The following CPED1 variants were observed in gnomAD, a reference collection of about 807,000 sequenced individuals.
The protein encoded by CPED1 is cadherin like and PC-esterase domain containing 1, also known as cadherin-like and PC-esterase domain-containing protein 1.
In CPED1, 114 loss-of-function variants were observed where a neutral mutation model predicts 128.2. The ratio of observed to expected loss-of-function variants is 0.89; its 90% CI spans 0.76 to 1.04. The LOEUF (loss-of-function observed/expected upper bound fraction) is 1.04, where lower values mean the gene tolerates loss of function less well. Ranked by LOEUF, CPED1 falls within the 50% of genes least tolerant of loss-of-function variation. CPED1 has a pLI of 0.00. For synonymous variants in CPED1, 462 were observed against 426.7 expected (o/e 1.08, Z -1.02); for missense variants, 1,211 against 1,207.1 (o/e 1.00, Z -0.05).
At chr7:121,126,975 A>T (rs1795518869) in intron 9 of CPED1, 115 bp from the exon 10 acceptor site, 2 of 685,448 alleles carry the variant, frequency 2.9e-6, no homozygotes, top group Non-Finnish European at 4.5e-6. Flanking sequence ...AAAGACCACT[A>T]GATGTCAGTT....
chr7:121,063,581 TC>T (rs1413304147), intron 4 of CPED1, among the ~76,000 whole-genome samples: 1 of 152,058 alleles, frequency 6.6e-6, no homozygotes, highest in Non-Finnish European at 1.5e-5. Flanking sequence ...CAAAAATGAA[TC>T]TGATTTTCAA....
At chr7:121,266,655 G>A (rs1780403348) in intron 19 of CPED1, 52 bp from the exon 20 acceptor site, 2 of 1,413,880 alleles carry the variant, frequency 1.4e-6, no homozygotes, top group Non-Finnish European at 2.0e-6. Context: ...CAGTTACAAT[G>A]TTTACCTTCT....
At position 121,266,828 on chromosome 7, in the gene CPED1, A is replaced by G. The variant is rs758691920; in HGVS notation, c.2633+20A>G. The stretch of plus-strand genomic sequence containing the variant: ...GAAGAGGTAAATGTCTGCAACAATA[A>G]TTGTCATTAGTATTCTAAGTCAAAA... On this transcript the variant is annotated intron_variant, in intron 20 of 22. Coordinates refer to ENST00000310396, the MANE Select transcript of CPED1 (RefSeq NM_024913.5). The G allele has an allele frequency of 2.6e-6, 4 of 1,549,798 alleles. No individual in the cohort carries two copies. In the South Asian group the frequency reaches 3.3e-5, roughly 13 times the overall value.
intron 16 of CPED1, among the ~76,000 whole-genome samples, chr7:121,196,048 A>G (rs1042986953): frequency 6.6e-6 from 1 of 152,064 alleles, no homozygotes; most frequent in African/African-American, 2.4e-5. Context: ...GAGGAGGCCA[A>G]AGAAAACCTT....
intron 5 of CPED1, among the ~76,000 whole-genome samples, chr7:121,090,387 C>T (rs1215668152): frequency 6.6e-6 from 1 of 152,132 alleles, no homozygotes; most frequent in Non-Finnish European, 1.5e-5. Flanking sequence ...TCTAGAAATA[C>T]CATACTATTC....
At chr7:121,242,894 G>A (rs1798431510) in intron 17 of CPED1, among the ~76,000 whole-genome samples, 1 of 151,850 alleles carries the variant, frequency 6.6e-6, no homozygotes, top group South Asian at 2.1e-4. Context: ...ATCAGTAAGA[G>A]CCATAAACTA....
At chr7:121,125,937 G>A (rs1795493149) in intron 9 of CPED1, 45 bp downstream of exon 9, 2 of 1,309,322 alleles carry the variant, frequency 1.5e-6, no homozygotes, top group African/African-American at 2.9e-5. Flanking sequence ...CTTGTGGTGA[G>A]AGATCAGTGT....
chr7:121,252,405 C>CGTGGG, intron 18 of CPED1, among the ~76,000 whole-genome samples: 1 of 150,678 alleles, frequency 6.6e-6, no homozygotes, highest in South Asian at 2.1e-4. Flanking sequence ...ACATAGACAT[C>CGTGGG]GGCAAGGACT....
At chr7:121,143,982 A>G (rs943266570) in intron 16 of CPED1, among the ~76,000 whole-genome samples, 12 of 152,162 alleles carry the variant, frequency 7.9e-5, no homozygotes, top group Admixed American at 7.2e-4. Context: ...GATACACACA[A>G]ATATGAAACA....
intron 16 of CPED1, among the ~76,000 whole-genome samples, chr7:121,166,183 A>G (rs10264879): frequency 0.1 from 15,853 of 152,222 alleles, 1,388 homozygotes; most frequent in African/African-American, 0.24. Flanking sequence ...ATGTTATTCA[A>G]TAAGATACAT....
At chr7:121,006,134 T>G (rs1409458872) in intron 2 of CPED1, among the ~76,000 whole-genome samples, 1 of 152,206 alleles carries the variant, frequency 6.6e-6, no homozygotes, top group South Asian at 2.1e-4. Context: ...TCTGCTATAT[T>G]GCCTCTGTAT....
intron 2 of CPED1, among the ~76,000 whole-genome samples, chr7:120,997,554 T>C (rs2116747777): frequency 6.6e-6 from 1 of 152,324 alleles, no homozygotes; most frequent in South Asian, 2.1e-4. Context: ...AATAGGGTTA[T>C]CGCAGATATA....
intron 18 of CPED1, among the ~76,000 whole-genome samples, chr7:121,246,233 C>T (rs369989240): frequency 8.5e-5 from 13 of 152,316 alleles, no homozygotes; most frequent in African/African-American, 2.4e-4. Context: ...GTTTTGGACA[C>T]GACACGTCTT....
chr7:121,100,918 C>A (rs1794834910), intron 7 of CPED1, among the ~76,000 whole-genome samples: 1 of 152,062 alleles, frequency 6.6e-6, no homozygotes, highest in Non-Finnish European at 1.5e-5. Context: ...GAATTTATTT[C>A]TGCCATCTTA....
intron 16 of CPED1, among the ~76,000 whole-genome samples, chr7:121,150,814 G>C (rs1796141156): frequency 6.6e-6 from 1 of 151,938 alleles, no homozygotes; most frequent in African/African-American, 2.4e-5. Context: ...TGTCACCCAG[G>C]CTGGAGTGCA....
chr7:121,239,332 ATGAT>A (rs1171822870), intron 17 of CPED1, among the ~76,000 whole-genome samples: 1 of 152,128 alleles, frequency 6.6e-6, no homozygotes, highest in African/African-American at 2.4e-5. Flanking sequence ...AAACTTTTGA[ATGAT>A]TGTATTTTTT....
chr7:121,070,177 ATAAT>A (rs1312804843), intron 5 of CPED1, among the ~76,000 whole-genome samples: 1 of 149,148 alleles, frequency 6.7e-6, no homozygotes, highest in African/African-American at 2.4e-5. Context: ...TCAAAATAAT[ATAAT>A]TAATATATAA....
At chr7:121,179,590 TTATTTTGTTCA>T (rs1467941161) in intron 16 of CPED1, among the ~76,000 whole-genome samples, 1 of 152,076 alleles carries the variant, frequency 6.6e-6, no homozygotes, top group Non-Finnish European at 1.5e-5. Flanking sequence ...GAAAATCACT[TTATTTTGTTCA>T]TATTCTCATT....
chr7:121,026,359 G>A (rs910868214), intron 3 of CPED1, among the ~76,000 whole-genome samples: 1 of 151,868 alleles, frequency 6.6e-6, no homozygotes, highest in Non-Finnish European at 1.5e-5. Flanking sequence ...ATGTGCATCT[G>A]CTCTGCCATG....
Sources: allele counts gnomAD v4.1 joint callset (sites outside exome capture counted in the v4.1 genomes callset), GRCh38; gene constraint gnomAD v4.1.1; transcripts MANE v1.5; gene names NCBI Gene and HGNC (gene_info 2026-07-23, HGNC 2026-07-21).